The following MAP4K5 variants were observed in gnomAD, a reference collection of about 807,000 sequenced individuals.
The protein encoded by MAP4K5 is MAPK/ERK kinase kinase kinase 5.
A neutral mutation model predicts 135.6 loss-of-function variants in MAP4K5; 82 were observed. The ratio of observed to expected loss-of-function variants is 0.60; its 90% CI spans 0.51 to 0.73. The LOEUF is 0.73. Ranked by LOEUF, MAP4K5 falls within the 30% of genes least tolerant of loss-of-function variation. The pLI is 0.00. For synonymous variants in MAP4K5, 347 were observed against 335.0 expected (o/e 1.04, Z -0.39); for missense variants, 907 against 1,010.9 (o/e 0.90, Z 1.39).
At chr14:50,555,545 A>C (rs1384487005) in intron 1 of MAP4K5, among the ~76,000 whole-genome samples, 1 of 152,168 alleles carries the variant, frequency 6.6e-6, no homozygotes, top group African/African-American at 2.4e-5. Context: ...TGGCCTCTCA[A>C]AGTGCTGGGA....
At chr14:50,437,591 T>C (rs1424874123) in intron 25 of MAP4K5, 57 bp from the exon 26 acceptor site, 5 of 1,191,026 alleles carry the variant, frequency 4.2e-6, no homozygotes, top group Admixed American at 2.6e-5. Flanking sequence ...ACACAATGAT[T>C]TGTAAATCAG....
chr14:50,454,301 A>G (rs1426110729), intron 14 of MAP4K5, among the ~76,000 whole-genome samples: 1 of 152,164 alleles, frequency 6.6e-6, no homozygotes, highest in Admixed American at 6.5e-5. Context: ...ACTGATTGTG[A>G]AGGCTCTCGT....
chr14:50,431,342 G>A (rs931934592), intron 28 of MAP4K5, among the ~76,000 whole-genome samples: 1 of 151,930 alleles, frequency 6.6e-6, no homozygotes, highest in Admixed American at 6.6e-5. Context: ...CATCTGGTGC[G>A]CTGCACCCAC....
chr14:50,476,662 A>T (rs543134670), intron 6 of MAP4K5, among the ~76,000 whole-genome samples: 1 of 152,124 alleles, frequency 6.6e-6, no homozygotes, highest in Non-Finnish European at 1.5e-5. Context: ...GGGTTTCACC[A>T]TGTTGGCCAG....
chr14:50,444,120 T>C (rs2036290342), intron 18 of MAP4K5, 84 bp from the exon 19 acceptor site: 1 of 898,206 alleles, frequency 1.1e-6, no homozygotes, highest in African/African-American at 1.6e-5. Context: ...TCCCACTATT[T>C]GTCTTTCACT....
Position 50,435,053 on chromosome 14 carries a change from T to TA in MAP4K5, c.1894dup (p.Tyr632LeufsTer5), listed in dbSNP as rs747877078. The TA allele has an allele frequency of 6.3e-7, 1 of 1,598,792 alleles. No homozygotes were observed. Among genetic ancestry groups the TA allele is most frequent in the Non-Finnish European group, 8.6e-7 (1 of 1,169,424 alleles). ...TCCACAGAGGTATTTATGTCCCGTGTAAGGGTTTCTGACTGGAAAGAAATA... is the reference window on the plus strand; with the variant it reads ...TCCACAGAGGTATTTATGTCCCGTGTAAAGGGTTTCTGACTGGAAAGAAATA... On this transcript the variant is annotated frameshift_variant, in exon 27 of 33. Coordinates refer to ENST00000682126, the MANE Select transcript of MAP4K5 (RefSeq NM_006575.6). LOFTEE classifies it high-confidence loss of function.
chr14:50,459,406 A>G (rs1029807963), intron 13 of MAP4K5, among the ~76,000 whole-genome samples: 2 of 152,064 alleles, frequency 1.3e-5, no homozygotes, highest in African/African-American at 4.8e-5. Flanking sequence ...ACTTTTCTCC[A>G]TCCTTGCTCT....
chr14:50,537,955 C>T (rs1423030553), intron 2 of MAP4K5, among the ~76,000 whole-genome samples: 1 of 152,080 alleles, frequency 6.6e-6, no homozygotes, highest in Non-Finnish European at 1.5e-5. Flanking sequence ...AATGAGTTAA[C>T]ACTTTGGGGG....
intron 2 of MAP4K5, among the ~76,000 whole-genome samples, chr14:50,526,310 C>CTTTTTTT (rs1159717574): frequency 3.3e-5 from 5 of 151,822 alleles, no homozygotes; most frequent in African/African-American, 1.2e-4. Context: ...TTTCTTTTTT[C>CTTTTTTT]TTTTTTGAGA....
At chr14:50,447,350 C>T (rs1382137269) in intron 16 of MAP4K5, 64 bp downstream of exon 16, 4 of 937,426 alleles carry the variant, frequency 4.3e-6, no homozygotes, top group Non-Finnish European at 6.4e-6. Flanking sequence ...GAATAAATCA[C>T]ATGCCCCATA....
At chr14:50,558,767 A>G (rs995801962) in intron 1 of MAP4K5, among the ~76,000 whole-genome samples, 1 of 152,172 alleles carries the variant, frequency 6.6e-6, no homozygotes, top group East Asian at 1.9e-4. Context: ...AGCAGACCAC[A>G]CTTCTCTTTT....
chr14:50,464,183 G>A lies in MAP4K5; in HGVS notation c.738-50C>T, dbSNP rs777744302. 79 of 886,096 alleles carry A rather than the reference G, an allele frequency of 8.9e-5. No homozygotes were observed. The East Asian group carries it at 1.4e-3, about 16-fold the overall frequency. 54.9% of individuals were successfully genotyped at this position (886,096 alleles called of 1,614,324 possible). A position where few individuals can be genotyped will look rare whatever the true frequency, so the allele number is the denominator to read the frequency against. On this transcript the variant is annotated intron_variant, in intron 11 of 32. Coordinates refer to ENST00000682126, the MANE Select transcript of MAP4K5 (RefSeq NM_006575.6). ...AAATATTTCACTACTATTACGTTTC[G>A]GTGTTAGTAAATAACATTAACTTAG...
At chr14:50,515,970 C>T (rs1481262291) in intron 2 of MAP4K5, among the ~76,000 whole-genome samples, 1 of 152,216 alleles carries the variant, frequency 6.6e-6, no homozygotes, top group East Asian at 1.9e-4. Context: ...CAAACTTTTT[C>T]ATTCCCACAT....
chr14:50,500,535 T>C (rs2037686270), intron 3 of MAP4K5, among the ~76,000 whole-genome samples: 2 of 152,214 alleles, frequency 1.3e-5, no homozygotes, highest in African/African-American at 2.4e-5. Context: ...TAGGGTTTTA[T>C]AAACAAGGCT....
At chr14:50,512,836 C>G (rs2037957821) in intron 2 of MAP4K5, among the ~76,000 whole-genome samples, 1 of 152,114 alleles carries the variant, frequency 6.6e-6, no homozygotes, top group African/African-American at 2.4e-5. Context: ...TTCTTTCCAA[C>G]AAGTTAAATG....
chr14:50,469,372 A>G (rs2036904768), intron 9 of MAP4K5, among the ~76,000 whole-genome samples: 1 of 152,230 alleles, frequency 6.6e-6, no homozygotes, highest in Admixed American at 6.5e-5. Context: ...GACAGGAAAT[A>G]ACACATGGTT....
upstream of MAP4K5, chr14:50,533,182 G>A (rs1200313366): frequency 2.0e-5 from 3 of 152,250 alleles, no homozygotes; most frequent in Non-Finnish European, 4.4e-5. Flanking sequence ...AATGACCTTT[G>A]TCCCTGTTGG....
chr14:50,554,643 A>T (rs2038743366), intron 1 of MAP4K5, among the ~76,000 whole-genome samples: 1 of 152,236 alleles, frequency 6.6e-6, no homozygotes, highest in Non-Finnish European at 1.5e-5. Context: ...GGTATCTGAG[A>T]ACTTATCAAG....
At chr14:50,485,090 G>A (rs1048058480) in intron 5 of MAP4K5, among the ~76,000 whole-genome samples, 1 of 152,052 alleles carries the variant, frequency 6.6e-6, no homozygotes, top group Non-Finnish European at 1.5e-5. Flanking sequence ...GTATTAGACT[G>A]TAATGTCAAA....
Sources: allele counts gnomAD v4.1 joint callset (sites outside exome capture counted in the v4.1 genomes callset), GRCh38; gene constraint gnomAD v4.1.1; transcripts MANE v1.5; gene names NCBI Gene and HGNC (gene_info 2026-07-23, HGNC 2026-07-21).